The following TTC7A variants were observed in gnomAD, a reference collection of about 807,000 sequenced individuals.
TTC7A encodes tetratricopeptide repeat domain 7A.
A neutral mutation model predicts 103.7 loss-of-function variants in TTC7A; 110 were observed. The ratio of observed to expected loss-of-function variants is 1.06; its 90% confidence interval spans 0.91 to 1.24. The LOEUF (loss-of-function observed/expected upper bound fraction) is 1.24. Ranked by LOEUF, TTC7A falls within the 50% of genes most tolerant of loss-of-function variation. The probability of loss-of-function intolerance (pLI) is 0.00; values close to 1 mark genes in which losing one functional copy is unlikely to be tolerated. For missense variants in TTC7A, 1,340 were observed against 1,116.3 expected (o/e 1.20, Z -2.86); for synonymous variants, 521 against 467.9 (o/e 1.11, Z -1.47).
chr2:46,943,104 C>T (rs939465806), intron 1 of TTC7A, among the ~76,000 whole-genome samples: 4 of 152,128 alleles, frequency 2.6e-5, no homozygotes, highest in African/African-American at 9.7e-5. Flanking sequence ...CGGGGTTTCG[C>T]CATGTTGCCC....
chr2:47,005,983 T>C lies in TTC7A; in HGVS notation c.1127T>C (p.Leu376Ser). 6.2e-7 allele frequency: 1 copy of C among 1,613,974 alleles called. No individual in the cohort carries two copies. The highest frequency in any genetic ancestry group is 8.5e-7 in the Non-Finnish European group (1 of 1,180,000). ...CAGGAGGAGGACCGGACAGTGAGCT[T>C]GCAGAATGCCGCAGCCATCTATGAC... The part of the protein sequence containing the change: ...PEQEEDRTVS[L>S]QNAAAIYDLL... The change falls in exon 9 of 20, where the codon TTG (leucine) becomes TCG (serine). Residue 376 changes from leucine (L) to serine (S), a missense_variant. Physicochemically the swap from Leu to Ser is moderately radical, Grantham distance 145 (BLOSUM62 -2). Transcript: ENST00000319190.
chr2:46,969,769 G>A (rs1256049047), intron 3 of TTC7A, among the ~76,000 whole-genome samples: 3 of 152,182 alleles, frequency 2.0e-5, no homozygotes, highest in African/African-American at 4.8e-5. Context: ...ACTTGGCTAC[G>A]TGAATATGCT....
At chr2:46,954,263 G>A (rs937616838) in intron 2 of TTC7A, among the ~76,000 whole-genome samples, 2 of 152,110 alleles carry the variant, frequency 1.3e-5, no homozygotes, top group East Asian at 1.9e-4. Context: ...AAAAGGAGTA[G>A]GTGATGCGCT....
Position 46,994,423 on chromosome 2 carries a change from CT to C in TTC7A, c.911del (p.Leu304ArgfsTer59), listed in dbSNP as rs1558551117. The stretch of plus-strand genomic sequence containing the variant: ...GAGTGAGGAGTGCTACTGGAGCCCC[CT>C]GTCCCACCCTCTGCCTGAGTTCATG... Reference protein sequence around the residue: ...SLSEECYWSPLSHPLPEFMGK... With the variant: ...SLSEECYWSPXSHPLPEFMGK... On this transcript the variant is annotated frameshift_variant, in exon 7 of 20. Coordinates refer to ENST00000319190, the MANE Select transcript of TTC7A (RefSeq NM_020458.4). LOFTEE classifies it high-confidence loss of function. The C allele has an allele frequency of 3.7e-6, 6 of 1,613,952 alleles. No individual in the cohort carries two copies. Among genetic ancestry groups the C allele is most frequent in the Admixed American group, 1.7e-5 (1 of 59,990 alleles).
chr2:46,961,853 G>T (rs1410427022), intron 3 of TTC7A, among the ~76,000 whole-genome samples: 1 of 150,770 alleles, frequency 6.6e-6, no homozygotes, highest in Non-Finnish European at 1.5e-5. Flanking sequence ...AGGTTGCAGT[G>T]ACCCGAGATC....
Position 46,995,084 on chromosome 2 carries a change from G to A in TTC7A, c.1002-52G>A, listed in dbSNP as rs367605675. 2.5e-6 allele frequency: 4 copies of A among 1,579,626 alleles called. No homozygotes were observed. The African/African-American group carries it at 5.4e-5, about 21-fold the overall frequency. The stretch of plus-strand genomic sequence containing the variant: ...AAGGCTGGCATGGTGGGTCAGTGGT[G>A]CTGTCTGGTGAGGTGTGTGCTCTAG... On this transcript the variant is annotated intron_variant, in intron 7 of 19. Coordinates refer to ENST00000319190, the MANE Select transcript of TTC7A (RefSeq NM_020458.4).
At chr2:46,967,840 G>C (rs961142007) in intron 3 of TTC7A, among the ~76,000 whole-genome samples, 2 of 152,098 alleles carry the variant, frequency 1.3e-5, no homozygotes, top group Non-Finnish European at 2.9e-5. Context: ...TTAACAGAGT[G>C]ATCTGTGAGG....
chr2:46,994,714 A>G (rs1035207335), intron 7 of TTC7A, among the ~76,000 whole-genome samples, 200 bp downstream of exon 7: 2 of 152,158 alleles, frequency 1.3e-5, no homozygotes, highest in African/African-American at 2.4e-5. Context: ...AGATAATCCT[A>G]TAAGGCACTC....
chr2:47,048,733 GCT>G (rs1682573890), intron 16 of TTC7A, among the ~76,000 whole-genome samples: 1 of 152,148 alleles, frequency 6.6e-6, no homozygotes, highest in Admixed American at 6.6e-5. Flanking sequence ...CTCCCAAATA[GCT>G]GGGACTGCAG....
intron 16 of TTC7A, 79 bp downstream of exon 16, chr2:47,046,510 C>A: frequency 1.8e-6 from 2 of 1,117,212 alleles, no homozygotes; most frequent in Non-Finnish European, 2.7e-6. Flanking sequence ...GGCCACCATG[C>A]CTGCCAAGAT....
At chr2:46,957,675 C>A (rs1019301218) in intron 3 of TTC7A, among the ~76,000 whole-genome samples, 1 of 152,142 alleles carries the variant, frequency 6.6e-6, no homozygotes, top group African/African-American at 2.4e-5. Flanking sequence ...CTGGGGGAAT[C>A]GTGCCATTTA....
intron 11 of TTC7A, 91 bp from the exon 12 acceptor site, chr2:47,021,771 G>T (rs1679312000): frequency 3.1e-6 from 3 of 978,470 alleles, no homozygotes; most frequent in Non-Finnish European, 3.2e-6. Context: ...TGAGCACAAG[G>T]CTTCTGTTTC....
At chr2:47,052,881 G>T (rs1682983156) in intron 18 of TTC7A, among the ~76,000 whole-genome samples, 1 of 152,178 alleles carries the variant, frequency 6.6e-6, no homozygotes, top group Non-Finnish European at 1.5e-5. Context: ...GTGTGCTATT[G>T]TCCCCAGGGG....
At chr2:46,995,299 T>G in intron 8 of TTC7A, 100 bp downstream of exon 8, 1 of 1,164,924 alleles carries the variant, frequency 8.6e-7, no homozygotes, top group Non-Finnish European at 1.3e-6. Flanking sequence ...AGCCAAACTC[T>G]GTCTCCCAGG....
intron 3 of TTC7A, among the ~76,000 whole-genome samples, chr2:46,970,280 G>T (rs933130067): frequency 6.6e-6 from 1 of 152,196 alleles, no homozygotes; most frequent in Non-Finnish European, 1.5e-5. Context: ...GAGCCACTTC[G>T]CCTGGCCTGC....
intron 2 of TTC7A, chr2:46,917,369 G>T: frequency 1.7e-6 from 1 of 587,860 alleles, no homozygotes. Flanking sequence ...CTGAACTTTG[G>T]ATTAGTTTGA....
chr2:47,065,025 C>A (rs1380031668), intron 19 of TTC7A, among the ~76,000 whole-genome samples: 2 of 152,182 alleles, frequency 1.3e-5, no homozygotes, highest in Admixed American at 6.5e-5. Context: ...CAGTGGCTCA[C>A]GCCTGTAATC....
At chr2:47,037,318 A>C (rs909932578) in intron 15 of TTC7A, among the ~76,000 whole-genome samples, 5 of 151,704 alleles carry the variant, frequency 3.3e-5, no homozygotes, top group African/African-American at 9.7e-5. Context: ...CACAAAACAC[A>C]CTCCAGTGGA....
chr2:46,942,360 G>C (rs939887910), intron 1 of TTC7A, among the ~76,000 whole-genome samples: 1 of 152,156 alleles, frequency 6.6e-6, no homozygotes, highest in Non-Finnish European at 1.5e-5. Flanking sequence ...GGAACACCCC[G>C]CCCCAGTCTC....
Sources: allele counts gnomAD v4.1 joint callset (sites outside exome capture counted in the v4.1 genomes callset), GRCh38; gene constraint gnomAD v4.1.1; transcripts MANE v1.5; gene names NCBI Gene and HGNC (gene_info 2026-07-23, HGNC 2026-07-21).